Variants in GPC2 observed in about 807,000 individuals in gnomAD.
GPC2 encodes the protein glypican-2.
In GPC2, 42 loss-of-function variants were observed where a neutral mutation model predicts 57.3. The ratio of observed to expected loss-of-function variants is 0.73; its 90% CI spans 0.57 to 0.95. The LOEUF is 0.95. Ranked by LOEUF, GPC2 falls within the 40% of genes least tolerant of loss-of-function variation. The pLI, the probability that GPC2 is intolerant of heterozygous loss-of-function variation, is 0.00. For missense variants in GPC2, 745 were observed against 793.6 expected (o/e 0.94, Z 0.74); for synonymous variants, 364 against 343.4 (o/e 1.06, Z -0.66).
rs1235207195 is a variant in GPC2, at chr7:100,171,781, G to T, written c.1168C>A (p.Leu390Met). Reference protein sequence around the residue: ...TTAAGTNLHRLVWELRERLAR... With the variant: ...TTAAGTNLHRMVWELRERLAR... ...CAACTCTTGGTCATCCCACGCACCA[G>T]CCGGTGCAGGTTGGTGCCTGCGGCC... Residue 390 changes from leucine (L) to methionine (M), a missense_variant and splice_region_variant, in exon 7 of 10, where the codon CTG (leucine) becomes ATG (methionine). Transcript: ENST00000292377. The surrounding 1 kb of genome is among the most constrained non-coding windows in gnomAD (Gnocchi z 4.8). 6.5e-7 allele frequency: 1 copy of T among 1,530,150 alleles called. No homozygotes were observed. The highest frequency in any genetic ancestry group is 1.2e-5 in the South Asian group (1 of 85,326). 94.8% of individuals were successfully genotyped at this position (1,530,150 alleles called of 1,614,324 possible). A position where few individuals can be genotyped will look rare whatever the true frequency, so the allele number is the denominator to read the frequency against.
In GPC2 at chr7:100,176,339, C is replaced by G. The variant is rs201453724; in HGVS notation, c.193G>C (p.Glu65Gln). Residue 65 changes from glutamate (E) to glutamine (Q), a missense_variant, in exon 2 of 10, where the codon GAG becomes CAG. Physicochemically the swap from Glu to Gln is conservative, Grantham distance 29. This residue lies in a region of GPC2 where 138 missense variants were observed against 189.8 expected (regional missense o/e 0.73). Coordinates refer to ENST00000292377, the MANE Select transcript of GPC2 (RefSeq NM_152742.3). ...GTCTCACTGGAACAGCAGGTGTACT[C>G]CTGGGGACAGACCCGGAGGTGCTCA... ...SGEHLRVCPQEYTCCSSETEQ... is the reference protein window; with the variant it reads ...SGEHLRVCPQQYTCCSSETEQ... The G allele has an allele frequency of 1.8e-4, 296 of 1,613,912 alleles. No homozygotes were observed. Among genetic ancestry groups the G allele is most frequent in the Non-Finnish European group, 2.3e-4 (270 of 1,179,960 alleles).
rs147325898 is a variant in GPC2, at chr7:100,172,637, G to GTA, written c.893-422_893-421dup. ...CCTGCCACCATGCCGGCTAATTTTT[G>GTA]TATATATATATATGTGTGTGTGTAT... On this transcript the variant is annotated intron_variant, in intron 5 of 9. Transcript: ENST00000292377. 8.0e-3 allele frequency among the ~76,000 whole-genome samples: 1,067 copies of GTA among 133,234 alleles called. 13 individuals are homozygous for GTA. The highest frequency in any genetic ancestry group is 0.015 in the Middle Eastern group (4 of 260). 87.4% of individuals were successfully genotyped at this position (133,234 alleles called of 152,430 possible).
intron 5 of GPC2, among the ~76,000 whole-genome samples, chr7:100,172,589 C>T (rs1364255676): frequency 1.3e-5 from 2 of 149,104 alleles, no homozygotes; most frequent in African/African-American, 2.5e-5. Context: ...CCTCAGCCTC[C>T]GGAGTAGCTG....
At chr7:100,176,500 A>C in intron 1 of GPC2, 135 bp from the exon 2 acceptor site, 1 of 751,390 alleles carries the variant, frequency 1.3e-6, no homozygotes, top group Non-Finnish European at 2.2e-6. Context: ...CCTCTTCCCT[A>C]CCTGAACCTA....
Position 100,171,515 on chromosome 7 carries a change from C to T in GPC2, c.1310+24G>A. 5.9e-6 allele frequency: 8 copies of T among 1,354,048 alleles called. No individual in the cohort carries two copies. The highest frequency in any genetic ancestry group is 3.1e-5 in the East Asian group (1 of 32,312). 83.9% of individuals were successfully genotyped at this position (1,354,048 alleles called of 1,614,324 possible). A position where few individuals can be genotyped will look rare whatever the true frequency, so the allele number is the denominator to read the frequency against. ...CCGGCCGCGGTCCCGCCCCCTGCTG[C>T]CCCCCGACGCCCCCGAGGCTCACCG... On this transcript the variant is annotated intron_variant, in intron 8 of 9. Transcript: ENST00000292377. This position sits in a 1 kb window ranked among gnomAD's most constrained non-coding sequence, Gnocchi z 4.8.
chr7:100,172,673 G>A (rs976334576), intron 5 of GPC2, among the ~76,000 whole-genome samples: 25 of 117,264 alleles, frequency 2.1e-4, no homozygotes, highest in African/African-American at 4.6e-4. Flanking sequence ...ATATATATAT[G>A]TGTGTGTGTG....
rs753998496 is a variant in GPC2 at position 100,172,647 on chromosome 7, A to ATGTGTGTGTGTG, written c.893-431_893-430insCACACACACACA. ...TGCCGGCTAATTTTTGTATATATAT[A>ATGTGTGTGTGTG]TATGTGTGTGTGTATATATATATAT... On this transcript the variant is annotated intron_variant, in intron 5 of 9. Coordinates refer to ENST00000292377, the MANE Select transcript of GPC2 (RefSeq NM_152742.3). 7.6e-4 allele frequency among the ~76,000 whole-genome samples: 100 copies of ATGTGTGTGTGTG among 131,246 alleles called. 3 individuals are homozygous for ATGTGTGTGTGTG. The East Asian group carries it at 0.013, about 16-fold the overall frequency. The allele number at this position is 131,246 out of a possible 152,430, so 86.1% of individuals were successfully genotyped here.
rs143960699 is a variant in GPC2 at position 100,176,407 on chromosome 7, C to G, written c.167-42G>C. ...TGAAGGAATGGTGGGAAGTGATATC[C>G]TAAAATCCCTTCCATTTCCCGCCTA... On this transcript the variant is annotated intron_variant, in intron 1 of 9. Transcript: ENST00000292377. The G allele has an allele frequency of 3.7e-4, 576 of 1,571,558 alleles. 2 individuals carry two copies. The African/African-American group carries it at 5.0e-3, about 14-fold the overall frequency.
Position 100,171,136 on chromosome 7 carries a change from G to C in GPC2, c.1486+125C>G, listed in dbSNP as rs1296455288. 2 of 863,680 alleles carry C rather than the reference G, an allele frequency of 2.3e-6. No individual in the cohort carries two copies. Among genetic ancestry groups the C allele is most frequent in the Admixed American group, 3.5e-5 (1 of 28,502 alleles). The allele number at this position is 863,680 out of a possible 1,614,324, so 53.5% of individuals were successfully genotyped here. ...TCAGGGCAACGCTCAATAAATGCTC[G>C]TTGAATGAATTAGTGAATTAATCAA... On this transcript the variant is annotated intron_variant, in intron 9 of 9. Transcript: ENST00000292377. This position sits in a 1 kb window ranked among gnomAD's most constrained non-coding sequence, Gnocchi z 4.8.
chr7:100,171,568 C>A lies in GPC2; in HGVS notation c.1281G>T (p.Ala427=). The A allele has an allele frequency of 2.0e-6, 3 of 1,495,800 alleles. No homozygotes were observed. The highest frequency in any genetic ancestry group is 2.6e-6 in the Non-Finnish European group (3 of 1,133,382). 92.7% of individuals were successfully genotyped at this position (1,495,800 alleles called of 1,614,324 possible). A position where few individuals can be genotyped will look rare whatever the true frequency, so the allele number is the denominator to read the frequency against. ...CCCGCCCGGCTCCGGTCCAGCAGGGCGCCGCCTCCAGCGAGGCGTCCGCTG... is the reference window on the plus strand; with the variant it reads ...CCCGCCCGGCTCCGGTCCAGCAGGGAGCCGCCTCCAGCGAGGCGTCCGCTG... The part of the protein sequence containing the change: ...RMAADASLEA[A]PCWTGAGRGR... The change falls in exon 8 of 10, where the codon GCG becomes GCT. Residue 427 remains alanine, a synonymous_variant. Coordinates refer to ENST00000292377, the MANE Select transcript of GPC2 (RefSeq NM_152742.3). The surrounding 1 kb of genome is among the most constrained non-coding windows in gnomAD (Gnocchi z 4.8).
At position 100,171,366 on chromosome 7, in the gene GPC2, A is replaced by T; in HGVS notation, c.1381T>A (p.Ser461Thr). 6.5e-7 allele frequency: 1 copy of T among 1,543,296 alleles called. No individual in the cohort carries two copies. Among genetic ancestry groups the T allele is most frequent in the Non-Finnish European group, 8.7e-7 (1 of 1,145,578 alleles). ...VNNPELKVDA[S>T]GPDVPTRRRR... is the part of the protein sequence containing the mutation. Reference sequence around the variant, plus strand: ...CGCCGTGTCGGGACATCGGGGCCCGAGGCGTCCACCTTGAGCTCGGGGTTG... The same window carrying T: ...CGCCGTGTCGGGACATCGGGGCCCGTGGCGTCCACCTTGAGCTCGGGGTTG... The change falls in exon 9 of 10, where the codon TCG becomes ACG. Residue 461 changes from serine to threonine, a missense_variant. Ser to Thr is a moderately conservative substitution (Grantham distance 58). Coordinates refer to ENST00000292377, the MANE Select transcript of GPC2 (RefSeq NM_152742.3). This position sits in a 1 kb window ranked among gnomAD's most constrained non-coding sequence, Gnocchi z 4.8.
At chr7:100,173,161 C>T (rs1302393930) in intron 5 of GPC2, among the ~76,000 whole-genome samples, 1 of 152,140 alleles carries the variant, frequency 6.6e-6, no homozygotes, top group Non-Finnish European at 1.5e-5. Flanking sequence ...CATGAGCCAT[C>T]ATGCCCAGCC....
chr7:100,174,692 G>T lies in GPC2; in HGVS notation c.722C>A (p.Ala241Glu), dbSNP rs1382212991. ...ACTCAGGCACCCTCCAACCTTAAGC[G>T]CTTCGCTGACCACATTTCTTCCAGT... ...LETGRNVVSE[A>E]LKVPVSEGCS... Residue 241 changes from alanine (A) to glutamate (E), a missense_variant, in exon 4 of 10, where the codon GCG becomes GAG. By Grantham distance (107) the Ala-to-Glu change is moderately radical. This residue lies in a region of GPC2 where 607 missense variants were observed against 603.9 expected (regional missense o/e 1.01). Transcript: ENST00000292377. 1.2e-6 allele frequency: 2 copies of T among 1,612,862 alleles called. No individual in the cohort carries two copies. The highest frequency in any genetic ancestry group is 1.7e-6 in the Non-Finnish European group (2 of 1,179,002).
At position 100,170,274 on chromosome 7, in the gene GPC2, G is replaced by A. The variant is rs769094514; in HGVS notation, c.1696C>T (p.Leu566Phe). 15 of 1,587,162 alleles carry A rather than the reference G, an allele frequency of 9.5e-6. No individual in the cohort carries two copies. Among genetic ancestry groups the A allele is most frequent in the African/African-American group, 1.4e-5 (1 of 73,856 alleles). The change falls in exon 10 of 10, where the codon CTC becomes TTC. Residue 566 changes from leucine (L) to phenylalanine (F), a missense_variant. Coordinates refer to ENST00000292377, the MANE Select transcript of GPC2 (RefSeq NM_152742.3). ...ASIGFHTQTI[L>F]ILSLSALALL... is the part of the protein sequence containing the mutation. ...GCCAGGGCTGAGAGGGAGAGAATGAGGATGGTTTGGGTGTGAAAACCAATA... is the reference window on the plus strand; with the variant it reads ...GCCAGGGCTGAGAGGGAGAGAATGAAGATGGTTTGGGTGTGAAAACCAATA...
At position 100,171,464 on chromosome 7, in the gene GPC2, A is replaced by C. The variant is rs1318402454; in HGVS notation, c.1311-28T>G. 2 of 1,357,404 alleles carry C rather than the reference A, an allele frequency of 1.5e-6. No individual in the cohort carries two copies. The highest frequency in any genetic ancestry group is 1.9e-6 in the Non-Finnish European group (2 of 1,059,698). 84.1% of individuals were successfully genotyped at this position (1,357,404 alleles called of 1,614,324 possible). On this transcript the variant is annotated intron_variant, in intron 8 of 9. Coordinates refer to ENST00000292377, the MANE Select transcript of GPC2 (RefSeq NM_152742.3). This position sits in a 1 kb window ranked among gnomAD's most constrained non-coding sequence, Gnocchi z 4.8. ...GCGAGCAGAGCAGCCCCGAAGCGCC[A>C]GCTAGCGCGCGCGGCCCCGCCCCTC...
chr7:100,171,902 G>C lies in GPC2; in HGVS notation c.1047C>G (p.Pro349=). 8.7e-6 allele frequency: 13 copies of C among 1,494,082 alleles called. No homozygotes were observed. Among genetic ancestry groups the C allele is most frequent in the Non-Finnish European group, 1.2e-5 (13 of 1,126,388 alleles). 92.6% of individuals were successfully genotyped at this position (1,494,082 alleles called of 1,614,324 possible). A position where few individuals can be genotyped will look rare whatever the true frequency, so the allele number is the denominator to read the frequency against. Reference sequence around the variant, plus strand: ...GACGGTTGCGGGCAGGCACCGGGTCGGGGGGGCCGCACTCCTGAAACACCT... The same window carrying C: ...GACGGTTGCGGGCAGGCACCGGGTCCGGGGGGCCGCACTCCTGAAACACCT... ...SAQVFQECGP[P]DPVPARNRRA... Residue 349 remains proline (P), a synonymous_variant, in exon 7 of 10, where the codon CCC becomes CCG. Transcript: ENST00000292377. The surrounding 1 kb of genome is among the most constrained non-coding windows in gnomAD (Gnocchi z 4.8).
At chr7:100,175,045 A>G (rs1450694211) in intron 3 of GPC2, among the ~76,000 whole-genome samples, 1 of 152,156 alleles carries the variant, frequency 6.6e-6, no homozygotes, top group African/African-American at 2.4e-5. Flanking sequence ...CTGAACTTGA[A>G]GCCAGAAGAC....
At chr7:100,173,567 A>C in intron 5 of GPC2, 8 of 200,170 alleles carry the variant, frequency 4.0e-5, no homozygotes, top group Admixed American at 6.4e-5. Flanking sequence ...CGCGGGCGCT[A>C]CCATGCCTGG....
rs1799254611 is a variant in GPC2 at position 100,175,673 on chromosome 7, T to C, written c.547A>G (p.Ser183Gly). 2 of 1,613,984 alleles carry C rather than the reference T, an allele frequency of 1.2e-6. No individual in the cohort carries two copies. Among genetic ancestry groups the C allele is most frequent in the Non-Finnish European group, 1.7e-6 (2 of 1,179,976 alleles). Residue 183 changes from serine (S) to glycine (G), a missense_variant, in exon 3 of 10, where the codon AGC becomes GGC. Ser to Gly is a moderately conservative substitution (Grantham distance 56). Coordinates refer to ENST00000292377, the MANE Select transcript of GPC2 (RefSeq NM_152742.3). ...RVFPLLHPQYSFPPDYLLCLS... is the reference protein window; with the variant it reads ...RVFPLLHPQYGFPPDYLLCLS... ...CAGAGCAGGTAGTCAGGGGGGAAGC[T>C]GTACTGTGGGTGCAGCAGCGGGAAC... is the stretch of plus-strand genomic sequence containing the variant.
Sources: gnomAD v4.1 joint callset for allele counts (sites outside exome capture counted in the v4.1 genomes callset) on GRCh38, gnomAD v4.1.1 for gene constraint, gnomAD v4.1.1 regional missense constraint, Gnocchi (gnomAD v3.1) non-coding constraint, MANE v1.5 for transcripts, NCBI Gene and HGNC (gene_info 2026-07-23, HGNC 2026-07-21) for gene names.